The following ARID2 variants were observed in gnomAD, a reference collection of about 807,000 sequenced individuals.
The protein encoded by ARID2 is AT-rich interaction domain 2.
A neutral mutation model predicts 184.6 loss-of-function variants in ARID2; 32 were observed. The observed-to-expected ratio is 0.17, with a 90% CI of 0.13 to 0.23. The LOEUF is 0.23. ARID2 is among the 10% of genes least tolerant of loss of function. The pLI, the probability that ARID2 is intolerant of heterozygous loss-of-function variation, is 1.00. For synonymous variants in ARID2, 836 were observed against 772.6 expected (o/e 1.08, Z -1.36); for missense variants, 1,696 against 2,197.6 (o/e 0.77, Z 4.56).
At chr12:45,732,128 A>G (rs1025860137) in intron 3 of ARID2, among the ~76,000 whole-genome samples, 2 of 151,230 alleles carry the variant, frequency 1.3e-5, no homozygotes, top group East Asian at 1.9e-4. Context: ...GTAATTTATC[A>G]TGATGCTGTG....
chr12:45,850,808 C>T lies in ARID2; in HGVS notation c.2685C>T (p.Asn895=), dbSNP rs1943534640. The T allele has an allele frequency of 6.2e-7, 1 of 1,614,134 alleles. No homozygotes were observed. Among genetic ancestry groups the T allele is most frequent in the African/African-American group, 1.3e-5 (1 of 75,024 alleles). The change falls in exon 15 of 21, where the codon AAC becomes AAT. Residue 895 remains asparagine, a synonymous_variant. Transcript: ENST00000334344. The stretch of plus-strand genomic sequence containing the variant: ...AAGCCTCAAGGGTAGGGTTTCAGAA[C>T]ATTGCACCAAAACCTCTCCCTTCTC... The part of the protein sequence containing the change: ...SPQASRVGFQ[N]IAPKPLPSQQ...
Position 45,817,743 on chromosome 12 carries a change from A to G in ARID2, c.492A>G (p.Ser164=), listed in dbSNP as rs769017296. ...ATGATTATAATAAATTGGTGCTTTC[A>G]CTGTTATCTGGACTCCCAAATGAAG... ...SPNDYNKLVL[S]LLSGLPNEVD... The change falls in exon 5 of 21, where the codon TCA becomes TCG. Residue 164 remains serine (S), a synonymous_variant. Transcript: ENST00000334344. 1.9e-6 allele frequency: 3 copies of G among 1,613,058 alleles called. 1 individual carries two copies. In the Admixed American group the frequency reaches 5.0e-5, roughly 27 times the overall value.
At chr12:45,842,991 A>G (rs1195263510) in intron 11 of ARID2, among the ~76,000 whole-genome samples, 1 of 152,160 alleles carries the variant, frequency 6.6e-6, no homozygotes, top group Admixed American at 6.6e-5. Flanking sequence ...GATAGAATTT[A>G]CAGTTCTTTG....
At chr12:45,897,246 T>C (rs2136465945) in intron 20 of ARID2, among the ~76,000 whole-genome samples, 1 of 152,346 alleles carries the variant, frequency 6.6e-6, no homozygotes, top group Admixed American at 6.5e-5. Flanking sequence ...ACAATGAAGT[T>C]GGACACTTAC....
Position 45,860,804 on chromosome 12 carries a change from A to G in ARID2, c.4777A>G (p.Thr1593Ala), listed in dbSNP as rs771509959. 7.7e-6 allele frequency: 12 copies of G among 1,550,128 alleles called. No homozygotes were observed. The highest frequency in any genetic ancestry group is 1.0e-5 in the Non-Finnish European group (12 of 1,149,316). The change falls in exon 16 of 21, where the codon ACT becomes GCT. Residue 1593 changes from threonine to alanine, a missense_variant. Physicochemically the swap from Thr to Ala is moderately conservative, Grantham distance 58. Around this residue, in one of 11 missense-constraint regions of ARID2, gnomAD observed 111 missense variants for 154.0 expected, o/e 0.72. Transcript: ENST00000334344. ...CTGCATTTGTTCTTTTTCACAGAAC[A>G]CTCCTATGCCACCTTCACCAGCTGT... is the stretch of plus-strand genomic sequence containing the variant. ...TYVQNVVPQNTPMPPSPAVQV... is the reference protein window; with the variant it reads ...TYVQNVVPQNAPMPPSPAVQV...
intron 3 of ARID2, among the ~76,000 whole-genome samples, chr12:45,763,659 TTA>T (rs1491328264): frequency 2.0e-4 from 30 of 151,854 alleles, no homozygotes; most frequent in African/African-American, 4.4e-4. Flanking sequence ...AAAATTTTTT[TTA>T]AAATTTTTTT....
At chr12:45,795,820 T>A (rs1325668588) in intron 3 of ARID2, among the ~76,000 whole-genome samples, 4 of 152,146 alleles carry the variant, frequency 2.6e-5, no homozygotes, top group Admixed American at 2.6e-4. Flanking sequence ...TTCCTTTACT[T>A]GCCTTTGCTC....
intron 3 of ARID2, among the ~76,000 whole-genome samples, chr12:45,744,941 T>A (rs11183192): frequency 0.28 from 42,950 of 152,078 alleles, 6,297 homozygotes; most frequent in South Asian, 0.32. Flanking sequence ...CCTCCTTCTT[T>A]GGCCCCCTCT....
At chr12:45,836,443 C>T in intron 6 of ARID2, 146 bp from the exon 7 acceptor site, 3 of 697,510 alleles carry the variant, frequency 4.3e-6, no homozygotes, top group Non-Finnish European at 6.8e-6. Flanking sequence ...CTCAAACTCC[C>T]AGCTGCAAGT....
At chr12:45,862,660 A>G (rs1472169479) in intron 16 of ARID2, among the ~76,000 whole-genome samples, 1 of 152,162 alleles carries the variant, frequency 6.6e-6, no homozygotes, top group Non-Finnish European at 1.5e-5. Flanking sequence ...CTTGGGCAAC[A>G]TGGTGAGACC....
At chr12:45,865,972 A>C (rs1248883839) in intron 16 of ARID2, among the ~76,000 whole-genome samples, 1 of 152,130 alleles carries the variant, frequency 6.6e-6, no homozygotes, top group Non-Finnish European at 1.5e-5. Context: ...AAATTCCAAA[A>C]ATAGCGTTAT....
At chr12:45,816,923 G>C (rs1942813825) in intron 4 of ARID2, among the ~76,000 whole-genome samples, 1 of 152,220 alleles carries the variant, frequency 6.6e-6, no homozygotes, top group South Asian at 2.1e-4. Flanking sequence ...TAGTGATAGA[G>C]ATACTCTATA....
At chr12:45,778,307 G>A (rs570846391) in intron 3 of ARID2, among the ~76,000 whole-genome samples, 144 of 152,218 alleles carry the variant, frequency 9.5e-4, no homozygotes, top group African/African-American at 3.4e-3. Context: ...CAGAGTAGAG[G>A]TAACCTCTTA....
At chr12:45,899,675 ATATGGT>A (rs780311099) in intron 20 of ARID2, among the ~76,000 whole-genome samples, 61 of 71,346 alleles carry the variant, frequency 8.5e-4, no homozygotes, top group African/African-American at 1.2e-3. Context: ...ATATGGTTAT[ATATGGT>A]TATATATATA....
intron 5 of ARID2, 31 bp downstream of exon 5, chr12:45,817,919 T>C: frequency 6.5e-7 from 1 of 1,544,900 alleles, no homozygotes; most frequent in Non-Finnish European, 8.7e-7. Context: ...ATTATATAAT[T>C]CTTCTGTAAA....
intron 3 of ARID2, among the ~76,000 whole-genome samples, chr12:45,748,224 C>T (rs1941395251): frequency 6.6e-6 from 1 of 151,876 alleles, no homozygotes; most frequent in Admixed American, 6.6e-5. Flanking sequence ...CCTGTCTCTA[C>T]AAAAGAAAAT....
chr12:45,834,517 C>CG (rs1256284449), intron 6 of ARID2, among the ~76,000 whole-genome samples: 1 of 152,084 alleles, frequency 6.6e-6, no homozygotes, highest in Non-Finnish European at 1.5e-5. Context: ...CCGAGATGGG[C>CG]GGATCACCTG....
chr12:45,901,563 G>C (rs1944459355), intron 20 of ARID2, among the ~76,000 whole-genome samples: 1 of 152,008 alleles, frequency 6.6e-6, no homozygotes, highest in South Asian at 2.1e-4. Context: ...TCATCTCTCT[G>C]AGGATATTAA....
intron 3 of ARID2, among the ~76,000 whole-genome samples, chr12:45,748,035 G>A (rs1299146374): frequency 2.0e-5 from 3 of 152,096 alleles, no homozygotes; most frequent in Admixed American, 6.5e-5. Flanking sequence ...TTATACTGTA[G>A]TATATTAATT....
Sources: allele counts gnomAD v4.1 joint callset (sites outside exome capture counted in the v4.1 genomes callset), GRCh38; gene constraint gnomAD v4.1.1; regional missense constraint gnomAD v4.1.1; transcripts MANE v1.5; gene names NCBI Gene and HGNC (gene_info 2026-07-23, HGNC 2026-07-21).